Variants in WIPF1 observed in about 807,000 individuals in gnomAD.
WIPF1 encodes the protein WAS/WASL interacting protein family member 1.
WIPF1 carries 13 observed loss-of-function variants against 35.4 expected under a neutral mutation model. The ratio of observed to expected loss-of-function variants is 0.37; its 90% confidence interval spans 0.24 to 0.58. The LOEUF is 0.58. Among genes scored for constraint, WIPF1 ranks in the 20% least tolerant of loss-of-function variants. The pLI is 0.74. For missense variants in WIPF1, 591 were observed against 667.0 expected (o/e 0.89, Z 1.25); for synonymous variants, 267 against 266.3 (o/e 1.00, Z -0.02).
rs866866048 is a variant in WIPF1, at chr2:174,581,447, G to A, written c.52-8C>T. On this transcript the variant is annotated splice_polypyrimidine_tract_variant and splice_region_variant and intron_variant, in intron 2 of 7. Coordinates refer to ENST00000679041, the MANE Select transcript of WIPF1 (RefSeq NM_001375834.1). ...AGGCTTCTCTGTATTGGCCTGAAAGGGAGCCATACAAACAAGTAGTCATCT... is the reference window on the plus strand; with the variant it reads ...AGGCTTCTCTGTATTGGCCTGAAAGAGAGCCATACAAACAAGTAGTCATCT... The A allele has an allele frequency of 6.2e-7, 1 of 1,612,918 alleles. No individual in the cohort carries two copies. The highest frequency in any genetic ancestry group is 1.7e-5 in the Admixed American group (1 of 59,884).
At chr2:174,606,354 T>G (rs1230618532) in intron 1 of WIPF1, among the ~76,000 whole-genome samples, 2 of 152,204 alleles carry the variant, frequency 1.3e-5, no homozygotes, top group African/African-American at 4.8e-5. Flanking sequence ...TAACATGTAC[T>G]AAACATTTGA....
chr2:174,561,935 T>C lies in WIPF1; in HGVS notation c.*612A>G, dbSNP rs1272422209. The C allele has an allele frequency of 1.1e-6, 1 of 872,472 alleles. No homozygotes were observed. The highest frequency in any genetic ancestry group is 1.7e-6 in the Non-Finnish European group (1 of 580,842). 54.0% of individuals were successfully genotyped at this position (872,472 alleles called of 1,614,324 possible). A position where few individuals can be genotyped will look rare whatever the true frequency, so the allele number is the denominator to read the frequency against. On this transcript the variant is annotated 3_prime_UTR_variant, in exon 8 of 8. Coordinates refer to ENST00000679041, the MANE Select transcript of WIPF1 (RefSeq NM_001375834.1). ...TTAAAATTTTATGTTGATTACAGGT[T>C]GAAATATTTTGGATGCATATTAACT...
At chr2:174,601,795 CAG>C (rs1298372186), upstream of WIPF1, among the ~76,000 whole-genome samples, 2 of 152,248 alleles carry the variant, frequency 1.3e-5, no homozygotes, top group African/African-American at 2.4e-5. Context: ...GAGGAAGAAA[CAG>C]GGGTCCAGAG....
At chr2:174,589,878 T>A (rs1685551551) in intron 1 of WIPF1, among the ~76,000 whole-genome samples, 1 of 152,202 alleles carries the variant, frequency 6.6e-6, no homozygotes, top group African/African-American at 2.4e-5. Context: ...TTAGTTTCCT[T>A]TGTAATTCTC....
At chr2:174,583,767 G>A (rs1445002623) in intron 2 of WIPF1, among the ~76,000 whole-genome samples, 2 of 152,160 alleles carry the variant, frequency 1.3e-5, no homozygotes, top group Non-Finnish European at 2.9e-5. Flanking sequence ...ATCCTGCTAT[G>A]TAAGCCAGAT....
chr2:174,575,303 C>G lies in WIPF1; in HGVS notation c.259G>C (p.Gly87Arg), dbSNP rs564348488. The change falls in exon 4 of 8, where the codon GGA (glycine) becomes CGA (arginine). Residue 87 changes from glycine (G) to arginine (R), a missense_variant. Gly to Arg is a moderately radical substitution (Grantham distance 125, BLOSUM62 -2). Coordinates refer to ENST00000679041, the MANE Select transcript of WIPF1 (RefSeq NM_001375834.1). ...GGGFGGGGGGGGGGSFGGGGP... is the reference protein window; with the variant it reads ...GGGFGGGGGGRGGGSFGGGGP... ...CCCCCTCCAAAACTTCCACCGCCTC[C>G]GCCACCACCTCCTCCGCCAAATCCG... 2 of 1,613,686 alleles carry G rather than the reference C, an allele frequency of 1.2e-6. No homozygotes were observed. The highest frequency in any genetic ancestry group is 3.3e-5 in the Admixed American group (2 of 59,990).
chr2:174,597,048 T>C (rs569605245), intron 1 of WIPF1, among the ~76,000 whole-genome samples: 11 of 152,354 alleles, frequency 7.2e-5, no homozygotes, highest in Admixed American at 5.2e-4. Flanking sequence ...CACACTGTTA[T>C]AACAGGAATA....
intron 1 of WIPF1, among the ~76,000 whole-genome samples, chr2:174,593,863 T>C (rs577594164): frequency 6.6e-6 from 1 of 152,248 alleles, no homozygotes; most frequent in Admixed American, 6.5e-5. Context: ...CTACTCTTCC[T>C]CTCTCCAAGC....
At chr2:174,603,013 T>C (rs552944697) in intron 1 of WIPF1, among the ~76,000 whole-genome samples, 1 of 152,326 alleles carries the variant, frequency 6.6e-6, no homozygotes, top group Non-Finnish European at 1.5e-5. Flanking sequence ...CTTCTGGTGA[T>C]GGCTTGTGAT....
In WIPF1 at chr2:174,571,342, TTC is replaced by T. The variant is rs146429486; in HGVS notation, c.1129+332_1129+333del. 0.047 allele frequency: 24,661 copies of T among 525,070 alleles called. 742 individuals carry two copies. The highest frequency in any genetic ancestry group is 0.1 in the South Asian group (4,046 of 39,610). The allele number at this position is 525,070 out of a possible 1,614,324, so 32.5% of individuals were successfully genotyped here. A position where few individuals can be genotyped will look rare whatever the true frequency, so the allele number is the denominator to read the frequency against. Reference sequence around the variant, plus strand: ...ATTTTCCCAATTAAGACCGCCGAAATTCTCTCTAGGGAGGCAGGGTAGTGGAC... The same window carrying T: ...ATTTTCCCAATTAAGACCGCCGAAATTCTCTAGGGAGGCAGGGTAGTGGAC... On this transcript the variant is annotated intron_variant, in intron 5 of 7. Transcript: ENST00000679041. This position sits in a 1 kb window ranked among gnomAD's most constrained non-coding sequence, Gnocchi z 4.6.
chr2:174,649,504 G>A (rs1435780500), intron 1 of WIPF1, among the ~76,000 whole-genome samples: 1 of 152,124 alleles, frequency 6.6e-6, no homozygotes, highest in Admixed American at 6.5e-5. Context: ...CTATAGTTTA[G>A]AGCCTGCTGA....
chr2:174,586,287 G>A (rs1365231872), intron 1 of WIPF1, among the ~76,000 whole-genome samples: 1 of 152,116 alleles, frequency 6.6e-6, no homozygotes, highest in African/African-American at 2.4e-5. Context: ...GGATCTAAGC[G>A]AAAACAGAGC....
chr2:174,659,484 A>G (rs1214344930), intron 1 of WIPF1, among the ~76,000 whole-genome samples: 1 of 152,222 alleles, frequency 6.6e-6, no homozygotes, highest in African/African-American at 2.4e-5. Context: ...GTAATGGTAT[A>G]CGAGTGCTCA....
At chr2:174,639,585 A>G (rs1455170533) in intron 1 of WIPF1, among the ~76,000 whole-genome samples, 4 of 151,856 alleles carry the variant, frequency 2.6e-5, no homozygotes, top group Non-Finnish European at 5.9e-5. Flanking sequence ...TTTTTTTGCT[A>G]TTAGTTCCTT....
rs77389947 is a variant in WIPF1 at position 174,655,336 on chromosome 2, T to C, written c.-39+27438A>G. 5.0e-3 allele frequency among the ~76,000 whole-genome samples: 754 copies of C among 152,288 alleles called. 18 individuals are homozygous for C. In the South Asian group the frequency reaches 0.067, roughly 13 times the overall value. On this transcript the variant is annotated intron_variant, in intron 1 of 8. Coordinates refer to the WIPF1 transcript ENST00000272746. ...TCCGTTCTTAGTATGCTATAACTAA[T>C]ATTATGACCACTCTGAGAGGCGGAT...
At chr2:174,573,179 T>A (rs1263303620) in intron 4 of WIPF1, among the ~76,000 whole-genome samples, 1 of 151,532 alleles carries the variant, frequency 6.6e-6, no homozygotes, top group Non-Finnish European at 1.5e-5. Flanking sequence ...ATAACTGCTC[T>A]GGTTCAACAA....
At chr2:174,602,587 T>G (rs1457921529), upstream of WIPF1, among the ~76,000 whole-genome samples, 1 of 152,216 alleles carries the variant, frequency 6.6e-6, no homozygotes, top group Non-Finnish European at 1.5e-5. Flanking sequence ...GTTGTAAGAA[T>G]CTATTTTCAA....
At chr2:174,599,821 C>G (rs866888397), upstream of WIPF1, among the ~76,000 whole-genome samples, 1 of 139,178 alleles carries the variant, frequency 7.2e-6, no homozygotes, top group Non-Finnish European at 1.5e-5. Context: ...CTAGCTATCT[C>G]TCTCTCTCTC....
chr2:174,562,419 A>ACTCCCC lies in WIPF1; in HGVS notation c.*122_*127dup. 6.5e-7 allele frequency: 1 copy of ACTCCCC among 1,543,840 alleles called. No individual in the cohort carries two copies. Among genetic ancestry groups the ACTCCCC allele is most frequent in the Non-Finnish European group, 8.8e-7 (1 of 1,142,678 alleles). On this transcript the variant is annotated 3_prime_UTR_variant, in exon 8 of 8. Coordinates refer to ENST00000679041, the MANE Select transcript of WIPF1 (RefSeq NM_001375834.1). ...TTCCCACCCACACACGCATATTCCC[A>ACTCCCC]CTCCCCCTCCCACCTTTCCTCCTGC... is the stretch of plus-strand genomic sequence containing the variant.
Sources: gnomAD v4.1 joint callset for allele counts (sites outside exome capture counted in the v4.1 genomes callset) on GRCh38, gnomAD v4.1.1 for gene constraint, Gnocchi (gnomAD v3.1) non-coding constraint, MANE v1.5 for transcripts, NCBI Gene and HGNC (gene_info 2026-07-23, HGNC 2026-07-21) for gene names.